The following PLCB4 variants were observed in gnomAD, a reference collection of about 807,000 sequenced individuals.
PLCB4 encodes the protein 1-phosphatidylinositol 4,5-bisphosphate phosphodiesterase beta-4.
In PLCB4, 77 loss-of-function variants were observed where a neutral mutation model predicts 178.8. The observed-to-expected ratio is 0.43, with a 90% CI of 0.36 to 0.52. The LOEUF is 0.52. Ranked by LOEUF, PLCB4 falls within the 20% of genes least tolerant of loss-of-function variation. PLCB4 has a pLI of 0.00. For missense variants in PLCB4, 1,024 were observed against 1,453.4 expected (o/e 0.70, Z 4.80); for synonymous variants, 496 against 490.8 (o/e 1.01, Z -0.14).
Position 9,470,007 on chromosome 20 carries a change from G to A in PLCB4, c.3350+1335G>A, listed in dbSNP as rs566549165. ...GGGAATAATACCTAGCAAGAAGGTGGCCTTTTGGCCAAAGTCCAACAGAGA... is the reference window on the plus strand; with the variant it reads ...GGGAATAATACCTAGCAAGAAGGTGACCTTTTGGCCAAAGTCCAACAGAGA... On this transcript the variant is annotated intron_variant, in intron 36 of 39. Coordinates refer to ENST00000378473, the MANE Select transcript of PLCB4 (RefSeq NM_001377142.1). Among the ~76,000 whole-genome samples, 15 of 152,304 alleles carry A rather than the reference G, an allele frequency of 9.8e-5. No homozygotes were observed. In the East Asian group the frequency reaches 2.5e-3, roughly 26 times the overall value.
chr20:9,102,887 C>CT (rs1216989415), intron 2 of PLCB4, among the ~76,000 whole-genome samples: 1 of 152,136 alleles, frequency 6.6e-6, no homozygotes, highest in African/African-American at 2.4e-5. Context: ...CAAAAAAAGT[C>CT]TGCATAAAAT....
At chr20:9,086,053 A>G (rs779256179) in intron 1 of PLCB4, among the ~76,000 whole-genome samples, 2 of 152,170 alleles carry the variant, frequency 1.3e-5, no homozygotes, top group Non-Finnish European at 1.5e-5. Context: ...TGTGTTAATT[A>G]TGTGGCTTCA....
chr20:9,184,001 G>A (rs1166634509), intron 2 of PLCB4, among the ~76,000 whole-genome samples: 1 of 152,078 alleles, frequency 6.6e-6, no homozygotes, highest in Non-Finnish European at 1.5e-5. Context: ...TACTTTCCCT[G>A]CACTATCAGT....
At chr20:9,244,517 C>G (rs6039424) in intron 3 of PLCB4, among the ~76,000 whole-genome samples, 78,771 of 151,684 alleles carry the variant, frequency 0.52, 23,228 homozygotes, top group African/African-American at 0.81. Context: ...CTGCAGGGAA[C>G]AAAAAAAAGG....
chr20:9,431,956 T>C (rs572745628), intron 28 of PLCB4, among the ~76,000 whole-genome samples: 18 of 152,382 alleles, frequency 1.2e-4, no homozygotes, highest in African/African-American at 4.1e-4. Flanking sequence ...ATTAACTTTC[T>C]GATAAAATGA....
intron 19 of PLCB4, among the ~76,000 whole-genome samples, chr20:9,399,806 G>A (rs538777704): frequency 6.6e-6 from 1 of 152,160 alleles, no homozygotes; most frequent in African/African-American, 2.4e-5. Context: ...TAAATTAAAT[G>A]AAATGAAATT....
intron 2 of PLCB4, among the ~76,000 whole-genome samples, chr20:9,213,602 T>C (rs2093697212): frequency 6.6e-6 from 1 of 152,250 alleles, no homozygotes; most frequent in Non-Finnish European, 1.5e-5. Flanking sequence ...TGGGCTATTA[T>C]GAATAATGCT....
chr20:9,159,925 G>A (rs1286169043), intron 2 of PLCB4, among the ~76,000 whole-genome samples: 1 of 152,146 alleles, frequency 6.6e-6, no homozygotes, highest in Non-Finnish European at 1.5e-5. Context: ...CAGTGTGCTC[G>A]TGAACTTCAG....
rs746728907 is a variant in PLCB4 at position 9,453,405 on chromosome 20, A to T, written c.2939A>T (p.Tyr980Phe). ...CAAGTTGACAAAATTGTGGCACAGT[A>T]TGACAAAGAGAAGTCGACTCATGAG... is the stretch of plus-strand genomic sequence containing the variant. ...CTQVDKIVAQ[Y>F]DKEKSTHEKI... Residue 980 changes from tyrosine (Y) to phenylalanine (F), a missense_variant, in exon 33 of 40, where the codon TAT becomes TTT. Tyr to Phe is a conservative substitution (Grantham distance 22). Coordinates refer to ENST00000378473, the MANE Select transcript of PLCB4 (RefSeq NM_001377142.1). 17 of 1,613,072 alleles carry T rather than the reference A, an allele frequency of 1.1e-5. No individual in the cohort carries two copies. Among genetic ancestry groups the T allele is most frequent in the Non-Finnish European group, 1.4e-5 (17 of 1,179,480 alleles).
chr20:9,322,342 G>A (rs1390173857), intron 4 of PLCB4, among the ~76,000 whole-genome samples: 1 of 152,020 alleles, frequency 6.6e-6, no homozygotes, highest in East Asian at 1.9e-4. Flanking sequence ...TTCAATTGAT[G>A]GACATAGACA....
At chr20:9,115,083 T>C (rs2091730437) in intron 2 of PLCB4, among the ~76,000 whole-genome samples, 2 of 152,186 alleles carry the variant, frequency 1.3e-5, no homozygotes, top group African/African-American at 4.8e-5. Context: ...TTTGTTTGAG[T>C]AGGTGAAGGA....
Position 9,444,026 on chromosome 20 carries a change from T to C in PLCB4, c.2810T>C (p.Met937Thr), listed in dbSNP as rs2042261242. 1 of 1,600,612 alleles carries C rather than the reference T, an allele frequency of 6.2e-7. No homozygotes were observed. Among genetic ancestry groups the C allele is most frequent in the African/African-American group, 1.3e-5 (1 of 74,498 alleles). ...PQVRIEDLKQ[M>T]KAYLKHLKKQ... ...GTAAGGATAGAAGACTTAAAGCAGA[T>C]GAAGGTAAAATTGCTTGACTATTTT... The change falls in exon 31 of 40, where the codon ATG (methionine) becomes ACG (threonine). Residue 937 changes from methionine (M) to threonine (T), a missense_variant. Around this residue, in one of 7 missense-constraint regions of PLCB4, gnomAD observed 227 missense variants for 374.3 expected, o/e 0.61. Coordinates refer to ENST00000378473, the MANE Select transcript of PLCB4 (RefSeq NM_001377142.1).
At chr20:9,421,557 GACA>G (rs1361829520) in intron 27 of PLCB4, 96 bp downstream of exon 27, 1 of 903,980 alleles carries the variant, frequency 1.1e-6, no homozygotes, top group Non-Finnish European at 1.7e-6. Flanking sequence ...TTATTCAACC[GACA>G]ACATCTTCTT....
At chr20:9,374,130 G>A (rs932341331) in intron 12 of PLCB4, among the ~76,000 whole-genome samples, 1 of 152,086 alleles carries the variant, frequency 6.6e-6, no homozygotes, top group African/African-American at 2.4e-5. Context: ...CCGTTGTGAA[G>A]GTTCAGTGGC....
At chr20:9,371,350 C>T (rs1346854033) in intron 10 of PLCB4, 55 bp downstream of exon 10, 9 of 910,626 alleles carry the variant, frequency 9.9e-6, no homozygotes, top group African/African-American at 1.6e-5. Flanking sequence ...TTTATCTTCT[C>T]ATATGTAATG....
At chr20:9,474,657 A>G (rs2044421471) in intron 38 of PLCB4, among the ~76,000 whole-genome samples, 1 of 151,742 alleles carries the variant, frequency 6.6e-6, no homozygotes, top group East Asian at 1.9e-4. Context: ...TTATACTAAA[A>G]AGTACCTTTG....
intron 3 of PLCB4, among the ~76,000 whole-genome samples, chr20:9,296,975 T>A (rs938906367): frequency 2.0e-4 from 31 of 152,208 alleles, no homozygotes; most frequent in Middle Eastern, 3.4e-3. Flanking sequence ...AACCTGCACG[T>A]TGTGCACATG....
At chr20:9,099,585 G>GTT (rs1305012404) in intron 2 of PLCB4, among the ~76,000 whole-genome samples, 1 of 147,154 alleles carries the variant, frequency 6.8e-6, no homozygotes. Context: ...ATCATAGAAA[G>GTT]TTTTTTTTTT....
At chr20:9,380,381 A>G (rs750834815) in intron 13 of PLCB4, among the ~76,000 whole-genome samples, 1 of 152,192 alleles carries the variant, frequency 6.6e-6, no homozygotes, top group Non-Finnish European at 1.5e-5. Flanking sequence ...TTGTATTATT[A>G]AATACATTAT....
Sources: allele counts gnomAD v4.1 joint callset (sites outside exome capture counted in the v4.1 genomes callset), GRCh38; gene constraint gnomAD v4.1.1; regional missense constraint gnomAD v4.1.1; transcripts MANE v1.5; gene names NCBI Gene and HGNC (gene_info 2026-07-23, HGNC 2026-07-21).